Variants in ACO2 observed in about 807,000 individuals in gnomAD.
ACO2 encodes the protein aconitase 2.
ACO2 carries 31 observed loss-of-function variants against 84.5 expected under a neutral mutation model. That is an observed-to-expected ratio of 0.37 (90% CI 0.28 to 0.50). The LOEUF is 0.50. Among genes scored for constraint, ACO2 ranks in the 20% least tolerant of loss-of-function variants. The probability of loss-of-function intolerance (pLI) is 0.97; values close to 1 mark genes in which losing one functional copy is unlikely to be tolerated. For missense variants in ACO2, 685 were observed against 1,029.3 expected (o/e 0.67, Z 4.58); for synonymous variants, 414 against 412.7 (o/e 1.00, Z -0.04).
intron 2 of ACO2, among the ~76,000 whole-genome samples, chr22:41,501,623 T>A (rs1229695078): frequency 6.6e-6 from 1 of 152,182 alleles, no homozygotes; most frequent in African/African-American, 2.4e-5. Flanking sequence ...CTGACAGTGG[T>A]GATCCTGGGA....
chr22:41,490,288 TGCACTCCA>T (rs2066262738), intron 1 of ACO2, among the ~76,000 whole-genome samples: 1 of 152,126 alleles, frequency 6.6e-6, no homozygotes, highest in Admixed American at 6.6e-5. Context: ...ACTGCGCCAC[TGCACTCCA>T]GCCTGGGCGA....
At chr22:41,488,451 G>A (rs944496378) in intron 1 of ACO2, among the ~76,000 whole-genome samples, 3 of 152,152 alleles carry the variant, frequency 2.0e-5, no homozygotes, top group African/African-American at 4.8e-5. Context: ...TTGGCACCTA[G>A]GAAGGTATTC....
chr22:41,517,782 G>A (rs2066487263), intron 7 of ACO2, 151 bp downstream of exon 7: 1 of 666,122 alleles, frequency 1.5e-6, no homozygotes. Context: ...CTGAAGAGGT[G>A]CAATATGTTT....
intron 1 of ACO2, among the ~76,000 whole-genome samples, chr22:41,491,638 A>G (rs1430528898): frequency 6.6e-6 from 1 of 152,222 alleles, no homozygotes; most frequent in Non-Finnish European, 1.5e-5. Context: ...CAGAGAACGA[A>G]CACAATGTCA....
At chr22:41,516,237 C>A in intron 6 of ACO2, 1 of 586,818 alleles carries the variant, frequency 1.7e-6, no homozygotes, top group Non-Finnish European at 3.0e-6. Context: ...CTTGGGTGAT[C>A]TAGACGAATC....
chr22:41,479,902 A>G (rs1244503167), intron 1 of ACO2, among the ~76,000 whole-genome samples: 1 of 152,218 alleles, frequency 6.6e-6, no homozygotes, highest in African/African-American at 2.4e-5. Context: ...TCATCAGCCT[A>G]TTCCTTAAAG....
intron 9 of ACO2, among the ~76,000 whole-genome samples, chr22:41,520,729 C>A (rs5996034): frequency 2.0e-5 from 3 of 151,844 alleles, no homozygotes; most frequent in African/African-American, 7.3e-5. Context: ...GTAGCCCCAG[C>A]TACTTGGGAG....
intron 1 of ACO2, among the ~76,000 whole-genome samples, chr22:41,471,826 G>A (rs1340183132): frequency 6.6e-6 from 1 of 152,168 alleles, no homozygotes; most frequent in East Asian, 1.9e-4. Flanking sequence ...CAGGATTAGA[G>A]AGCAAACATA....
intron 2 of ACO2, among the ~76,000 whole-genome samples, chr22:41,506,018 A>G (rs951265674): frequency 1.3e-5 from 2 of 152,000 alleles, no homozygotes; most frequent in Non-Finnish European, 1.5e-5. Flanking sequence ...AGCTGAGGAG[A>G]GCAGTTGCTT....
intron 3 of ACO2, among the ~76,000 whole-genome samples, chr22:41,509,224 C>A (rs1318251071): frequency 6.6e-6 from 1 of 152,142 alleles, no homozygotes; most frequent in Non-Finnish European, 1.5e-5. Flanking sequence ...TGGCTTTCTG[C>A]TTGCTTTATG....
intron 11 of ACO2, 130 bp from the exon 12 acceptor site, chr22:41,523,700 C>T: frequency 1.2e-6 from 1 of 817,218 alleles, no homozygotes; most frequent in Non-Finnish European, 2.0e-6. Flanking sequence ...GCAACCCTGG[C>T]AGGGCCTCTT....
chr22:41,514,327 T>C (rs1251321367), intron 4 of ACO2, among the ~76,000 whole-genome samples: 1 of 152,196 alleles, frequency 6.6e-6, no homozygotes, highest in Non-Finnish European at 1.5e-5. Context: ...TGAAGGCTCT[T>C]GCTGCAAAAC....
intron 1 of ACO2, among the ~76,000 whole-genome samples, chr22:41,498,393 T>C (rs1253159122): frequency 6.6e-6 from 1 of 152,160 alleles, no homozygotes; most frequent in African/African-American, 2.4e-5. Flanking sequence ...CCCCCAAACT[T>C]AAAGGCTTAA....
chr22:41,492,385 C>G (rs1004352812), intron 1 of ACO2, among the ~76,000 whole-genome samples: 1 of 152,096 alleles, frequency 6.6e-6, no homozygotes, highest in African/African-American at 2.4e-5. Context: ...GCCTGTAATC[C>G]CTGCACTTTG....
At chr22:41,505,005 A>G (rs1260916376) in intron 2 of ACO2, among the ~76,000 whole-genome samples, 1 of 151,916 alleles carries the variant, frequency 6.6e-6, no homozygotes, top group African/African-American at 2.4e-5. Flanking sequence ...GTGAGCCACC[A>G]CACCCAGCTG....
intron 14 of ACO2, 86 bp from the exon 15 acceptor site, chr22:41,526,176 G>C: frequency 1.6e-6 from 2 of 1,284,012 alleles, no homozygotes; most frequent in Non-Finnish European, 2.2e-6. Context: ...CTGGGCCCCG[G>C]GGCCTGCTGC....
At chr22:41,487,520 G>A (rs1053123053) in intron 1 of ACO2, among the ~76,000 whole-genome samples, 6 of 152,164 alleles carry the variant, frequency 3.9e-5, no homozygotes, top group Admixed American at 3.9e-4. Context: ...TTTAAATTGG[G>A]GAGGTAGTAT....
chr22:41,521,035 C>CAAAAAAAAAAA (rs375633363), intron 9 of ACO2, among the ~76,000 whole-genome samples: 3 of 81,626 alleles, frequency 3.7e-5, no homozygotes, highest in African/African-American at 1.4e-4. Flanking sequence ...AGCCTGCCTC[C>CAAAAAAAAAAA]AAAAAAAAAA....
chr22:41,497,648 C>A (rs145174105), intron 1 of ACO2, among the ~76,000 whole-genome samples: 1 of 151,906 alleles, frequency 6.6e-6, no homozygotes, highest in Non-Finnish European at 1.5e-5. Context: ...TTTGGGAGGC[C>A]GAGGCAGGTG....
Sources: allele counts gnomAD v4.1 joint callset (sites outside exome capture counted in the v4.1 genomes callset), GRCh38; gene constraint gnomAD v4.1.1; transcripts MANE v1.5; gene names NCBI Gene and HGNC (gene_info 2026-07-23, HGNC 2026-07-21).